Variants in MYO5A observed in about 807,000 individuals in gnomAD.
MYO5A encodes the protein myosin VA.
MYO5A carries 98 observed loss-of-function variants against 249.7 expected under a neutral mutation model. That is an observed-to-expected ratio of 0.39 (90% CI 0.33 to 0.46). MYO5A has a LOEUF of 0.46. Ranked by LOEUF, MYO5A falls within the 20% of genes least tolerant of loss-of-function variation. MYO5A has a pLI of 0.98. For synonymous variants in MYO5A, 778 were observed against 810.6 expected, an observed-to-expected ratio of 0.96 and a Z score of 0.68; for missense variants, 1,696 against 2,308.8, an observed-to-expected ratio of 0.73 and a Z score of 5.44.
Position 52,310,867 on chromosome 15 carries a change from A to T in MYO5A, c.*2829T>A, listed in dbSNP as rs1345010349. ...TACCTTCAAGAAAATGGTATACAGA[A>T]TCATTTACTGGGCCTTGGGGTTCCC... On this transcript the variant is annotated 3_prime_UTR_variant, in exon 42 of 42. Transcript: ENST00000399233. The T allele has an allele frequency of 6.6e-6, 1 of 152,226 alleles. No homozygotes were observed. Among genetic ancestry groups the T allele is most frequent in the Non-Finnish European group, 1.5e-5 (1 of 68,042 alleles). The allele number at this position is 152,226 out of a possible 1,614,324, so 9.4% of individuals were successfully genotyped here.
intron 1 of MYO5A, among the ~76,000 whole-genome samples, chr15:52,460,840 C>T (rs891362594): frequency 6.6e-5 from 10 of 151,876 alleles, no homozygotes; most frequent in Non-Finnish European, 1.5e-4. Flanking sequence ...AAATTCAGTG[C>T]AATTTTAAAT....
chr15:52,470,469 T>C (rs2076438768), intron 1 of MYO5A, among the ~76,000 whole-genome samples: 1 of 151,828 alleles, frequency 6.6e-6, no homozygotes, highest in Non-Finnish European at 1.5e-5. Context: ...CGGACCAACA[T>C]GGAGAAACTC....
intron 1 of MYO5A, among the ~76,000 whole-genome samples, chr15:52,481,815 G>A (rs2076720838): frequency 6.6e-6 from 1 of 152,116 alleles, no homozygotes. Flanking sequence ...TAAAAGGACT[G>A]GAACATAGTA....
At position 52,407,344 on chromosome 15, in the gene MYO5A, T is replaced by G; in HGVS notation, c.894A>C (p.Gly298=). ...GTGCCATCTCCTTTGCATCATCCAC[T>G]CCTTCAATCACAGGACTGCCTCCTT... ...TKQGGSPVIE[G]VDDAKEMAHT... Residue 298 remains glycine (G), a synonymous_variant, in exon 8 of 42, where the codon GGA becomes GGC. Transcript: ENST00000399233. 1 of 1,613,802 alleles carries G rather than the reference T, an allele frequency of 6.2e-7. No homozygotes were observed. Among genetic ancestry groups the G allele is most frequent in the Non-Finnish European group, 8.5e-7 (1 of 1,179,708 alleles).
At chr15:52,426,514 G>A (rs1333467184) in intron 3 of MYO5A, among the ~76,000 whole-genome samples, 13 of 152,196 alleles carry the variant, frequency 8.5e-5, no homozygotes, top group Admixed American at 7.2e-4. Flanking sequence ...CCAAGCTGGA[G>A]TGCAATGTTA....
At chr15:52,482,739 G>A (rs1374228915) in intron 1 of MYO5A, among the ~76,000 whole-genome samples, 2 of 151,920 alleles carry the variant, frequency 1.3e-5, no homozygotes, top group Admixed American at 1.3e-4. Context: ...TTTTTTAAGT[G>A]AATCCGGTCC....
At chr15:52,432,239 G>A (rs999212301) in intron 2 of MYO5A, among the ~76,000 whole-genome samples, 7 of 152,254 alleles carry the variant, frequency 4.6e-5, no homozygotes, top group Non-Finnish European at 8.8e-5. Context: ...AACGATATTT[G>A]CTGCAGGCAA....
At chr15:52,469,245 A>C (rs1320533335) in intron 1 of MYO5A, among the ~76,000 whole-genome samples, 1 of 152,196 alleles carries the variant, frequency 6.6e-6, no homozygotes, top group Admixed American at 6.5e-5. Flanking sequence ...GACTCCCCAA[A>C]AACTTTACTA....
chr15:52,318,684 A>G (rs978161102), intron 39 of MYO5A, among the ~76,000 whole-genome samples: 1 of 152,212 alleles, frequency 6.6e-6, no homozygotes, highest in African/African-American at 2.4e-5. Context: ...AGAAATCTTC[A>G]TTATTATAAT....
chr15:52,463,265 C>T (rs543626069), intron 1 of MYO5A, among the ~76,000 whole-genome samples: 8 of 152,172 alleles, frequency 5.3e-5, no homozygotes, highest in Admixed American at 2.0e-4. Flanking sequence ...GACTTGACCA[C>T]ACTTTCTTCA....
chr15:52,357,084 A>G (rs182299529), intron 25 of MYO5A, among the ~76,000 whole-genome samples: 2 of 152,236 alleles, frequency 1.3e-5, no homozygotes, highest in Admixed American at 1.3e-4. Context: ...CAGAACAGAT[A>G]TAACATCTTG....
chr15:52,378,589 T>G (rs28426997), intron 18 of MYO5A, among the ~76,000 whole-genome samples: 6,985 of 133,178 alleles, frequency 0.052, 553 homozygotes, highest in African/African-American at 0.17. Flanking sequence ...AAAGCATTGC[T>G]GAGGAAGTGG....
At position 52,348,303 on chromosome 15, in the gene MYO5A, G is replaced by A. The variant is rs534214140; in HGVS notation, c.3858+515C>T. ...CAATATCTGTCACTCAGTACATAGA[G>A]AAACAGGGATATGGTAGAGAAATTT... On this transcript the variant is annotated intron_variant, in intron 29 of 41. Transcript: ENST00000399233. Among the ~76,000 whole-genome samples the A allele has an allele frequency of 0.016, 101 of 6,174 alleles. No individual in the cohort carries two copies. The East Asian group carries it at 0.49, about 30-fold the overall frequency. The allele number at this position is 6,174 out of a possible 152,430, so 4.1% of individuals were successfully genotyped here.
chr15:52,321,334 A>T (rs749777069), intron 38 of MYO5A, 25 bp downstream of exon 38: 1 of 1,614,072 alleles, frequency 6.2e-7, no homozygotes, highest in Non-Finnish European at 8.5e-7. Flanking sequence ...GCAGGCTGCA[A>T]TGCCCAGTGG....
intron 14 of MYO5A, among the ~76,000 whole-genome samples, chr15:52,385,409 CT>C (rs2041931097): frequency 1.3e-5 from 2 of 152,080 alleles, no homozygotes; most frequent in Non-Finnish European, 2.9e-5. Flanking sequence ...AGGGTTAAAA[CT>C]CATTTTAATG....
In MYO5A at chr15:52,382,341, G is replaced by C. The variant is rs189578146; in HGVS notation, c.2012+750C>G. Among the ~76,000 whole-genome samples the C allele has an allele frequency of 5.9e-5, 9 of 152,314 alleles. No homozygotes were observed. In the East Asian group the frequency reaches 1.5e-3, roughly 26 times the overall value. On this transcript the variant is annotated intron_variant, in intron 16 of 41. Coordinates refer to ENST00000399233, the MANE Select transcript of MYO5A (RefSeq NM_001382347.1). ...GCCTGTAATCCCACTGGGAGGCCGA[G>C]TGGGGACGGATCACGAAGTCAGGAG...
intron 1 of MYO5A, among the ~76,000 whole-genome samples, chr15:52,518,888 CA>C (rs1327882369): frequency 2.0e-5 from 3 of 152,034 alleles, no homozygotes; most frequent in African/African-American, 7.2e-5. Context: ...AAAGCAAAAA[CA>C]AAAATGAAGT....
Position 52,384,258 on chromosome 15 carries a change from G to A in MYO5A, c.1817C>T (p.Ser606Phe), listed in dbSNP as rs1320150722. 12 of 1,614,086 alleles carry A rather than the reference G, an allele frequency of 7.4e-6. No individual in the cohort carries two copies. Among genetic ancestry groups the A allele is most frequent in the Non-Finnish European group, 1.0e-5 (12 of 1,180,032 alleles). ...TCGTGTGAGGGGTGTGCGCCCTGAG[G>A]AGGTGGCTGAAGTTGGACTGATGGC... ...EKAISPTSAT[S>F]SGRTPLTRTP... The change falls in exon 15 of 42, where the codon TCC becomes TTC. Residue 606 changes from serine to phenylalanine, a missense_variant. Coordinates refer to ENST00000399233, the MANE Select transcript of MYO5A (RefSeq NM_001382347.1).
chr15:52,485,895 C>T (rs1201852379), intron 1 of MYO5A, among the ~76,000 whole-genome samples: 1 of 152,116 alleles, frequency 6.6e-6, no homozygotes, highest in African/African-American at 2.4e-5. Flanking sequence ...TATAGTAAAT[C>T]CTTTAGGCGA....
Sources: allele counts gnomAD v4.1 joint callset (sites outside exome capture counted in the v4.1 genomes callset), GRCh38; gene constraint gnomAD v4.1.1; transcripts MANE v1.5; gene names NCBI Gene and HGNC (gene_info 2026-07-23, HGNC 2026-07-21).